ERC1: variants seen among roughly 807,000 people sequenced by gnomAD.
ERC1 encodes the protein ELKS/RAB6-interacting/CAST family member 1, also known as RAB6 interacting protein 2.
In ERC1, 56 loss-of-function variants were observed where a neutral mutation model predicts 132.0. That is an observed-to-expected ratio of 0.42 (90% CI 0.34 to 0.53). The LOEUF is 0.53. Ranked by LOEUF, ERC1 falls within the 20% of genes least tolerant of loss-of-function variation. ERC1 has a pLI of 0.03. For synonymous variants in ERC1, 478 were observed against 476.1 expected (o/e 1.00, Z -0.05); for missense variants, 1,202 against 1,349.9 (o/e 0.89, Z 1.72).
chr12:1,083,375 G>T lies in ERC1; in HGVS notation c.881G>T (p.Arg294Leu). 1 of 1,614,160 alleles carries T rather than the reference G, an allele frequency of 6.2e-7. No homozygotes were observed. Among genetic ancestry groups the T allele is most frequent in the Non-Finnish European group, 8.5e-7 (1 of 1,180,012 alleles). ...LRKTLEEMEL[R>L]IETQKQTLNA... Reference sequence around the variant, plus strand: ...AAGACATTGGAGGAAATGGAGCTGCGTATTGAGACTCAAAAGCAGACCCTA... The same window carrying T: ...AAGACATTGGAGGAAATGGAGCTGCTTATTGAGACTCAAAAGCAGACCCTA... Residue 294 changes from arginine to leucine, a missense_variant, in exon 3 of 19, where the codon CGT becomes CTT. Coordinates refer to ENST00000360905, the MANE Select transcript of ERC1 (RefSeq NM_178040.4).
chr12:1,013,667 C>T (rs1965048994), intron 1 of ERC1, among the ~76,000 whole-genome samples: 1 of 152,130 alleles, frequency 6.6e-6, no homozygotes, highest in African/African-American at 2.4e-5. Context: ...TAGTTACATG[C>T]TGAGTGTAGA....
chr12:1,453,279 A>G (rs955238482), intron 18 of ERC1, among the ~76,000 whole-genome samples: 4 of 151,918 alleles, frequency 2.6e-5, no homozygotes, highest in African/African-American at 9.7e-5. Flanking sequence ...GAATCCATTC[A>G]TAATTTGGGG....
At chr12:1,038,392 C>T (rs190136703) in intron 2 of ERC1, among the ~76,000 whole-genome samples, 7 of 151,052 alleles carry the variant, frequency 4.6e-5, no homozygotes, top group Non-Finnish European at 8.8e-5. Flanking sequence ...GACGGAGTCT[C>T]GCTCTGTTGC....
chr12:1,129,063 A>G (rs1367961135), intron 7 of ERC1, among the ~76,000 whole-genome samples: 1 of 152,238 alleles, frequency 6.6e-6, no homozygotes, highest in Non-Finnish European at 1.5e-5. Context: ...AGAATTGCTG[A>G]GAATTTTTCT....
At chr12:1,298,539 T>G (rs1428571379) in intron 15 of ERC1, among the ~76,000 whole-genome samples, 3 of 99,544 alleles carry the variant, frequency 3.0e-5, no homozygotes, top group South Asian at 3.0e-4. Flanking sequence ...CGAGACTCTG[T>G]CACAAAAAAA....
chr12:1,476,047 C>T (rs558365908), intron 18 of ERC1, among the ~76,000 whole-genome samples: 5 of 151,514 alleles, frequency 3.3e-5, no homozygotes, highest in African/African-American at 1.2e-4. Context: ...GTGGATCACA[C>T]GGTCAGGAGA....
chr12:1,198,427 TATTCTG>T (rs1359965340), intron 12 of ERC1, among the ~76,000 whole-genome samples: 1 of 152,216 alleles, frequency 6.6e-6, no homozygotes, highest in Non-Finnish European at 1.5e-5. Context: ...CTGCTACAAT[TATTCTG>T]AGAAAGATAG....
chr12:1,289,184 G>GTA (rs1342339439), intron 14 of ERC1, among the ~76,000 whole-genome samples: 1 of 136,846 alleles, frequency 7.3e-6, no homozygotes, highest in Non-Finnish European at 1.6e-5. Flanking sequence ...ATAATATATA[G>GTA]TATATATATA....
At chr12:1,398,930 CT>C (rs1162145460) in intron 16 of ERC1, among the ~76,000 whole-genome samples, 25 of 93,892 alleles carry the variant, frequency 2.7e-4, no homozygotes, top group Admixed American at 5.9e-4. Context: ...TTTTCTCCTA[CT>C]TTTTTTTTTT....
chr12:1,455,829 A>G (rs2093521910), intron 18 of ERC1, among the ~76,000 whole-genome samples: 1 of 152,228 alleles, frequency 6.6e-6, no homozygotes, highest in Non-Finnish European at 1.5e-5. Flanking sequence ...TGAGAGGGGT[A>G]ACAGTGAGTT....
At chr12:1,127,167 A>AT (rs1302890024) in intron 7 of ERC1, among the ~76,000 whole-genome samples, 2 of 152,120 alleles carry the variant, frequency 1.3e-5, no homozygotes, top group African/African-American at 2.4e-5. Flanking sequence ...GAAATACTAT[A>AT]TTTTGTTCAT....
At chr12:1,075,343 A>G (rs978704779) in intron 2 of ERC1, among the ~76,000 whole-genome samples, 10 of 152,206 alleles carry the variant, frequency 6.6e-5, no homozygotes, top group African/African-American at 2.4e-4. Context: ...ATATGTTAAC[A>G]TGTATTTTAT....
intron 15 of ERC1, among the ~76,000 whole-genome samples, chr12:1,335,098 G>GT (rs1025969167): frequency 6.6e-5 from 10 of 152,242 alleles, no homozygotes; most frequent in South Asian, 6.2e-4. Context: ...GTTTGCTGAA[G>GT]TTTTTTTATC....
chr12:1,182,068 T>C lies in ERC1; in HGVS notation c.2016+3T>C, dbSNP rs934184070. 1.2e-6 allele frequency: 2 copies of C among 1,613,266 alleles called. No homozygotes were observed. Among genetic ancestry groups the C allele is most frequent in the Non-Finnish European group, 1.7e-6 (2 of 1,179,626 alleles). On this transcript the variant is annotated splice_donor_region_variant and intron_variant, in intron 10 of 18. Transcript: ENST00000360905. Reference sequence around the variant, plus strand: ...AAGGCGACCTTTCAGAGAAAGAGGTTAAGCTCCCCAAAATGGAATTAGTTT... The same window carrying C: ...AAGGCGACCTTTCAGAGAAAGAGGTCAAGCTCCCCAAAATGGAATTAGTTT...
At chr12:1,219,371 A>G (rs1958743124) in intron 12 of ERC1, among the ~76,000 whole-genome samples, 1 of 152,004 alleles carries the variant, frequency 6.6e-6, no homozygotes. Context: ...CCAGTTTCCC[A>G]CCCTCAATAA....
At chr12:1,150,056 A>C (rs1828552832) in intron 8 of ERC1, among the ~76,000 whole-genome samples, 1 of 152,074 alleles carries the variant, frequency 6.6e-6, no homozygotes. Context: ...TTTACAGTGC[A>C]CTCTCCTGTA....
At chr12:1,374,675 C>T (rs757065565) in intron 16 of ERC1, among the ~76,000 whole-genome samples, 1 of 152,142 alleles carries the variant, frequency 6.6e-6, no homozygotes, top group Non-Finnish European at 1.5e-5. Flanking sequence ...CACAAGATGG[C>T]CTTTCTCTCA....
chr12:1,259,528 T>C (rs866035127), intron 13 of ERC1, among the ~76,000 whole-genome samples: 7 of 139,006 alleles, frequency 5.0e-5, no homozygotes, highest in Admixed American at 4.9e-4. Context: ...TTCTTTTTTT[T>C]TTTTTTTTTT....
intron 12 of ERC1, among the ~76,000 whole-genome samples, chr12:1,194,473 A>C (rs943734359): frequency 6.6e-6 from 1 of 152,140 alleles, no homozygotes; most frequent in Non-Finnish European, 1.5e-5. Context: ...TTAGAAGCGT[A>C]CTGGAGGCTG....
Sources: gnomAD v4.1 joint callset for allele counts (sites outside exome capture counted in the v4.1 genomes callset) on GRCh38, gnomAD v4.1.1 for gene constraint, MANE v1.5 for transcripts, NCBI Gene and HGNC (gene_info 2026-07-23, HGNC 2026-07-21) for gene names.